The following FANCD2 variants were observed in gnomAD, a reference collection of about 807,000 sequenced individuals.
The protein encoded by FANCD2 is FA complementation group D2, also known as Fanconi anemia group D2 protein.
FANCD2 carries 131 observed loss-of-function variants against 192.3 expected under a neutral mutation model. The ratio of observed to expected loss-of-function variants is 0.68; its 90% CI spans 0.59 to 0.79. FANCD2 has a LOEUF of 0.79. FANCD2 is among the 30% of genes least tolerant of loss of function. The pLI is 0.00. For missense variants in FANCD2, 1,508 were observed against 1,701.6 expected (o/e 0.89, Z 2.00); for synonymous variants, 524 against 612.5 (o/e 0.86, Z 2.13).
intron 26 of FANCD2, among the ~76,000 whole-genome samples, chr3:10,071,004 G>A (rs1050568467): frequency 2.7e-5 from 4 of 147,694 alleles, no homozygotes; most frequent in Non-Finnish European, 4.5e-5. Flanking sequence ...AAGGCCGCAG[G>A]GTCCTCTGCC....
At chr3:10,087,105 A>G in intron 33 of FANCD2, 29 bp from the exon 34 acceptor site, 1 of 1,613,290 alleles carries the variant, frequency 6.2e-7, no homozygotes, top group Non-Finnish European at 8.5e-7. Flanking sequence ...ATACTATTGC[A>G]TTTGTTTGTT....
In FANCD2 at chr3:10,064,792, T is replaced by G. The variant is rs760296624; in HGVS notation, c.2085T>G (p.Ile695Met). 1 of 1,613,920 alleles carries G rather than the reference T, an allele frequency of 6.2e-7. No individual in the cohort carries two copies. The highest frequency in any genetic ancestry group is 8.5e-7 in the Non-Finnish European group (1 of 1,179,920). ...GLEEYDTQDG[I>M]AINLLPLLFS... ...AAGAATACGACACTCAGGATGGGAT[T>G]GCCATAAACCTCCTGCCGCTGCTGT... Residue 695 changes from isoleucine to methionine, a missense_variant, in exon 23 of 44, where the codon ATT becomes ATG. By Grantham distance (10) the Ile-to-Met change is conservative (BLOSUM62 1). Coordinates refer to ENST00000675286, the MANE Select transcript of FANCD2 (RefSeq NM_001018115.3).
intron 12 of FANCD2, 25 bp downstream of exon 12, chr3:10,043,175 A>G: frequency 1.3e-6 from 2 of 1,585,882 alleles, no homozygotes; most frequent in Non-Finnish European, 8.7e-7. Flanking sequence ...CTCACACAGG[A>G]TGTCACAATT....
At position 10,088,469 on chromosome 3, in the gene FANCD2, CTCTGTCGG is replaced by C; in HGVS notation, c.3488_3495del (p.Leu1163ArgfsTer7). On this transcript the variant is annotated frameshift_variant, in exon 35 of 44. Coordinates refer to ENST00000675286, the MANE Select transcript of FANCD2 (RefSeq NM_001018115.3). LOFTEE classifies it high-confidence loss of function. ...AACAGCTTCCCTTGCCAGACAATTC[CTCTGTCGG>C]GTGTGGCCAAGTGGGGATAAAGAGA... is the stretch of plus-strand genomic sequence containing the variant. 1 of 1,610,188 alleles carries C rather than the reference CTCTGTCGG, an allele frequency of 6.2e-7. No individual in the cohort carries two copies. Among genetic ancestry groups the C allele is most frequent in the Non-Finnish European group, 8.5e-7 (1 of 1,176,410 alleles).
intron 32 of FANCD2, among the ~76,000 whole-genome samples, chr3:10,085,059 A>T (rs1432578793): frequency 4.6e-5 from 7 of 152,196 alleles, no homozygotes; most frequent in Non-Finnish European, 8.8e-5. Context: ...AAATGTCAAG[A>T]CTTGACTCAT....
intron 26 of FANCD2, among the ~76,000 whole-genome samples, chr3:10,069,119 C>T (rs1432346304): frequency 6.6e-6 from 1 of 152,142 alleles, no homozygotes; most frequent in Non-Finnish European, 1.5e-5. Context: ...CCTACAAGCA[C>T]AGGCAACCAA....
intron 26 of FANCD2, among the ~76,000 whole-genome samples, chr3:10,069,462 TCTCC>T (rs1559391767): frequency 1.9e-4 from 23 of 121,588 alleles, no homozygotes; most frequent in African/African-American, 1.1e-3. Context: ...TTAAGATGCC[TCTCC>T]CCCTCCCCCT....
At chr3:10,067,385 C>G in intron 26 of FANCD2, 68 bp downstream of exon 26, 2 of 902,672 alleles carry the variant, frequency 2.2e-6, no homozygotes, top group Non-Finnish European at 3.7e-6. Flanking sequence ...ACTTAGCTTT[C>G]CCTGATACCA....
At chr3:10,040,374 G>A (rs772312489) in intron 9 of FANCD2, 10 of 413,572 alleles carry the variant, frequency 2.4e-5, no homozygotes, top group East Asian at 7.0e-5. Flanking sequence ...TGTTATGAGC[G>A]TGAAGTCTGG....
intron 15 of FANCD2, among the ~76,000 whole-genome samples, chr3:10,047,278 A>G (rs74803504): frequency 1.9e-3 from 292 of 152,232 alleles, no homozygotes; most frequent in South Asian, 4.1e-3. Context: ...ATTTCTGCCA[A>G]TTATACATGT....
At chr3:10,053,082 T>C (rs1203819683) in intron 18 of FANCD2, among the ~76,000 whole-genome samples, 3 of 147,292 alleles carry the variant, frequency 2.0e-5, no homozygotes, top group African/African-American at 7.6e-5. Flanking sequence ...TGCACACATA[T>C]GTTTATTGCG....
intron 32 of FANCD2, among the ~76,000 whole-genome samples, chr3:10,082,382 C>T (rs1693896262): frequency 2.0e-5 from 3 of 152,296 alleles, no homozygotes; most frequent in African/African-American, 7.2e-5. Context: ...CACTTGGCCT[C>T]TCTCAGTCCA....
intron 9 of FANCD2, 25 bp from the exon 10 acceptor site, chr3:10,041,598 T>G: frequency 6.5e-7 from 1 of 1,531,720 alleles, no homozygotes; most frequent in South Asian, 1.1e-5. Context: ...ATTATACAAC[T>G]TTTTTCTTTT....
At chr3:10,037,094 C>T (rs1353111491) in intron 7 of FANCD2, among the ~76,000 whole-genome samples, 1 of 151,820 alleles carries the variant, frequency 6.6e-6, no homozygotes, top group Non-Finnish European at 1.5e-5. Context: ...GGTCCACCTG[C>T]CTTAGCCTCT....
At chr3:10,044,957 T>C (rs1416473410) in intron 14 of FANCD2, among the ~76,000 whole-genome samples, 1 of 152,204 alleles carries the variant, frequency 6.6e-6, no homozygotes, top group African/African-American at 2.4e-5. Context: ...ATTGTCTTCA[T>C]TGTTATCTTT....
intron 23 of FANCD2, 52 bp from the exon 24 acceptor site, chr3:10,065,342 T>C: frequency 3.5e-6 from 4 of 1,158,230 alleles, no homozygotes; most frequent in Non-Finnish European, 5.2e-6. Context: ...CCTATGTACG[T>C]GGAGTAATAC....
At position 10,101,365 on chromosome 3, in the gene FANCD2, T is replaced by C. The variant is rs1448235477; in HGVS notation, c.*103T>C. On this transcript the variant is annotated 3_prime_UTR_variant, in exon 44 of 44. Transcript: ENST00000675286. Reference sequence around the variant, plus strand: ...TTTGCCTTTCTTACTGGTAGGATCCTTTTTTGTTCCTCTTTTTTTTTTTTT... The same window carrying C: ...TTTGCCTTTCTTACTGGTAGGATCCCTTTTTGTTCCTCTTTTTTTTTTTTT... 5 of 715,422 alleles carry C rather than the reference T, an allele frequency of 7.0e-6. No homozygotes were observed. The highest frequency in any genetic ancestry group is 1.2e-5 in the Non-Finnish European group (5 of 418,650). 44.3% of individuals were successfully genotyped at this position (715,422 alleles called of 1,614,324 possible).
chr3:10,075,145 G>A (rs1693463839), intron 29 of FANCD2, among the ~76,000 whole-genome samples: 1 of 151,934 alleles, frequency 6.6e-6, no homozygotes, highest in Non-Finnish European at 1.5e-5. Context: ...AATCAAAGAA[G>A]TGGAAATAGC....
intron 20 of FANCD2, among the ~76,000 whole-genome samples, chr3:10,063,405 C>G (rs983506062): frequency 1.3e-5 from 2 of 152,150 alleles, no homozygotes; most frequent in African/African-American, 4.8e-5. Flanking sequence ...CTACTATACT[C>G]CAGCCTGGAC....
Sources: gnomAD v4.1 joint callset for allele counts (sites outside exome capture counted in the v4.1 genomes callset) on GRCh38, gnomAD v4.1.1 for gene constraint, MANE v1.5 for transcripts, NCBI Gene and HGNC (gene_info 2026-07-23, HGNC 2026-07-21) for gene names.